The following CDH20 variants were observed in gnomAD, a reference collection of about 807,000 sequenced individuals.
The protein encoded by CDH20 is cadherin 20.
A neutral mutation model predicts 74.2 loss-of-function variants in CDH20; 29 were observed. That is an observed-to-expected ratio of 0.39 (90% CI 0.29 to 0.53). The LOEUF (loss-of-function observed/expected upper bound fraction) is 0.53. CDH20 is among the 20% of genes least tolerant of loss of function. CDH20 has a pLI of 0.69. For missense variants in CDH20, 988 were observed against 1,048.3 expected (o/e 0.94, Z 0.79); for synonymous variants, 469 against 405.4 (o/e 1.16, Z -1.88).
chr18:61,416,378 T>G (rs1049961089), intron 1 of CDH20, among the ~76,000 whole-genome samples: 1 of 152,182 alleles, frequency 6.6e-6, no homozygotes, highest in Non-Finnish European at 1.5e-5. Context: ...TTGTGTCCCT[T>G]TATATACTCC....
At chr18:61,452,088 A>C (rs1271176086) in intron 1 of CDH20, among the ~76,000 whole-genome samples, 1 of 152,042 alleles carries the variant, frequency 6.6e-6, no homozygotes, top group African/African-American at 2.4e-5. Flanking sequence ...AGATGAATTA[A>C]AAAACAAAAA....
intron 1 of CDH20, among the ~76,000 whole-genome samples, chr18:61,419,364 G>A (rs112219821): frequency 1.3e-5 from 2 of 152,156 alleles, no homozygotes; most frequent in African/African-American, 4.8e-5. Flanking sequence ...TTCAGTTTAG[G>A]GCAATTAATA....
At chr18:61,343,519 C>T (rs922879507) in intron 1 of CDH20, among the ~76,000 whole-genome samples, 1 of 152,094 alleles carries the variant, frequency 6.6e-6, no homozygotes, top group Non-Finnish European at 1.5e-5. Context: ...TTTAGATACC[C>T]AGTGTTTCCA....
chr18:61,336,588 T>C (rs1211450396), intron 1 of CDH20, among the ~76,000 whole-genome samples: 4 of 152,160 alleles, frequency 2.6e-5, no homozygotes, highest in Non-Finnish European at 4.4e-5. Context: ...GCTAGAAAAT[T>C]AGCAGTTCAG....
chr18:61,419,803 G>C (rs1285278720), intron 1 of CDH20, among the ~76,000 whole-genome samples: 1 of 151,866 alleles, frequency 6.6e-6, no homozygotes, highest in African/African-American at 2.4e-5. Context: ...GATTATAATG[G>C]TACAAGTGTA....
At chr18:61,501,926 C>T (rs949598875) in intron 4 of CDH20, among the ~76,000 whole-genome samples, 6 of 152,064 alleles carry the variant, frequency 3.9e-5, no homozygotes, top group East Asian at 1.9e-4. Context: ...AATACATGAA[C>T]AGAGAGTTAT....
At chr18:61,546,722 G>A (rs1465524739) in intron 10 of CDH20, among the ~76,000 whole-genome samples, 2 of 152,182 alleles carry the variant, frequency 1.3e-5, no homozygotes, top group African/African-American at 4.8e-5. Context: ...ACCAATTTAT[G>A]GAACCAATTC....
chr18:61,392,626 A>G (rs1242067454), intron 1 of CDH20, among the ~76,000 whole-genome samples: 1 of 152,130 alleles, frequency 6.6e-6, no homozygotes, highest in Non-Finnish European at 1.5e-5. Flanking sequence ...CCATCATTAT[A>G]TCTCTGCTAC....
At chr18:61,464,113 A>G (rs1378807035) in intron 1 of CDH20, among the ~76,000 whole-genome samples, 4 of 152,238 alleles carry the variant, frequency 2.6e-5, no homozygotes, top group Admixed American at 2.0e-4. Context: ...TATTATTACT[A>G]TATAGCACAG....
At chr18:61,452,912 TA>T (rs892788954) in intron 1 of CDH20, among the ~76,000 whole-genome samples, 2 of 152,174 alleles carry the variant, frequency 1.3e-5, no homozygotes, top group African/African-American at 4.8e-5. Context: ...GTATTTTCAA[TA>T]AAAAGTAGGC....
At position 61,384,746 on chromosome 18, in the gene CDH20, T is replaced by G. The variant is rs2144187991; in HGVS notation, c.-153+50919T>G. On this transcript the variant is annotated intron_variant, in intron 1 of 11. Coordinates refer to ENST00000262717, the MANE Select transcript of CDH20 (RefSeq NM_031891.4). Reference sequence around the variant, plus strand: ...GATTATTAAAAGCCCAACATTAATATTTACCTTTAAAAAAACTAAAAAGCA... The same window carrying G: ...GATTATTAAAAGCCCAACATTAATAGTTACCTTTAAAAAAACTAAAAAGCA... Among the ~76,000 whole-genome samples, 3 of 152,212 alleles carry G rather than the reference T, an allele frequency of 2.0e-5. No homozygotes were observed. The South Asian group carries it at 6.2e-4, about 32-fold the overall frequency.
At chr18:61,547,222 G>A (rs1412181914) in intron 10 of CDH20, among the ~76,000 whole-genome samples, 1 of 152,008 alleles carries the variant, frequency 6.6e-6, no homozygotes, top group Non-Finnish European at 1.5e-5. Flanking sequence ...CAGCTACTTG[G>A]GAGGCTAAGG....
At chr18:61,347,725 A>G (rs1599028544) in intron 1 of CDH20, among the ~76,000 whole-genome samples, 1 of 152,196 alleles carries the variant, frequency 6.6e-6, no homozygotes, top group African/African-American at 2.4e-5. Context: ...ATAATAATTT[A>G]CCTTGGAACA....
chr18:61,437,194 C>A (rs1908866307), intron 1 of CDH20, among the ~76,000 whole-genome samples: 1 of 152,152 alleles, frequency 6.6e-6, no homozygotes, highest in Non-Finnish European at 1.5e-5. Flanking sequence ...CAGCCTTTGA[C>A]CAGAACAAAA....
Position 61,502,908 on chromosome 18 carries a change from A to G in CDH20, c.662-45A>G, listed in dbSNP as rs758696814. 6 of 1,511,496 alleles carry G rather than the reference A, an allele frequency of 4.0e-6. No homozygotes were observed. The South Asian group carries it at 6.4e-5, about 16-fold the overall frequency. 93.6% of individuals were successfully genotyped at this position (1,511,496 alleles called of 1,614,324 possible). A position where few individuals can be genotyped will look rare whatever the true frequency, so the allele number is the denominator to read the frequency against. ...CTAGAAACCAATCTTTAAAAACTGG[A>G]CCTGTGGTTTTATTTTTATAAACAA... is the stretch of plus-strand genomic sequence containing the variant. On this transcript the variant is annotated intron_variant, in intron 4 of 11. Transcript: ENST00000262717.
chr18:61,460,067 G>A (rs1909716369), intron 1 of CDH20, among the ~76,000 whole-genome samples: 1 of 152,004 alleles, frequency 6.6e-6, no homozygotes, highest in Admixed American at 6.5e-5. Context: ...TTCTTCTAGA[G>A]GAGGACACAC....
intron 9 of CDH20, among the ~76,000 whole-genome samples, chr18:61,541,884 C>T (rs759856278): frequency 1.3e-5 from 2 of 152,118 alleles, no homozygotes; most frequent in African/African-American, 2.4e-5. Context: ...GAATATTGCA[C>T]GACAAGTGGG....
intron 11 of CDH20, among the ~76,000 whole-genome samples, chr18:61,552,644 G>A (rs906537136): frequency 6.6e-6 from 1 of 152,118 alleles, no homozygotes; most frequent in African/African-American, 2.4e-5. Flanking sequence ...AGTGACACTT[G>A]TGGCTCTAAC....
chr18:61,436,558 T>C (rs915495496), intron 1 of CDH20, among the ~76,000 whole-genome samples: 5 of 152,352 alleles, frequency 3.3e-5, no homozygotes, highest in African/African-American at 9.6e-5. Flanking sequence ...AGGAAGCTTC[T>C]GGAAATTCAG....
Sources: allele counts gnomAD v4.1 joint callset (sites outside exome capture counted in the v4.1 genomes callset), GRCh38; gene constraint gnomAD v4.1.1; transcripts MANE v1.5; gene names NCBI Gene and HGNC (gene_info 2026-07-23, HGNC 2026-07-21).